The following PRKAR1B variants were observed in gnomAD, a reference collection of about 807,000 sequenced individuals.
The protein encoded by PRKAR1B is cAMP-dependent protein kinase type I-beta regulatory subunit.
In PRKAR1B, 22 loss-of-function variants were observed where a neutral mutation model predicts 46.5. The observed-to-expected ratio is 0.47, with a 90% CI of 0.34 to 0.68. The LOEUF (loss-of-function observed/expected upper bound fraction) is 0.68, where lower values mean the gene tolerates loss of function less well. PRKAR1B is among the 30% of genes least tolerant of loss of function. The pLI, the probability that PRKAR1B is intolerant of heterozygous loss-of-function variation, is 0.01. For missense variants in PRKAR1B, 445 were observed against 535.6 expected, an observed-to-expected ratio of 0.83 and a Z score of 1.67; for synonymous variants, 259 against 217.7, an observed-to-expected ratio of 1.19 and a Z score of -1.67.
intron 4 of PRKAR1B, chr7:607,886 G>GAGA (rs112241057): frequency 0.062 from 11,887 of 191,848 alleles, 1,070 homozygotes; most frequent in African/African-American, 0.22. Context: ...TCAGTCGAAG[G>GAGA]AGCCTGGGAC....
chr7:566,124 G>A (rs1477295484), intron 9 of PRKAR1B, among the ~76,000 whole-genome samples: 1 of 79,150 alleles, frequency 1.3e-5, no homozygotes, highest in Non-Finnish European at 2.9e-5. Flanking sequence ...AAAAGTGTTA[G>A]TCACCACCGC....
chr7:591,263 G>A (rs896775846), intron 7 of PRKAR1B, among the ~76,000 whole-genome samples: 1 of 152,236 alleles, frequency 6.6e-6, no homozygotes, highest in Admixed American at 6.5e-5. Flanking sequence ...CTGGGAGCTG[G>A]CCTCCGAGCT....
At chr7:659,413 T>C (rs1161386663) in intron 4 of PRKAR1B, among the ~76,000 whole-genome samples, 1 of 152,044 alleles carries the variant, frequency 6.6e-6, no homozygotes, top group Non-Finnish European at 1.5e-5. Flanking sequence ...CTGCCACATA[T>C]GATTCAGCCC....
intron 8 of PRKAR1B, among the ~76,000 whole-genome samples, chr7:581,286 G>A (rs1273692726): frequency 1.5e-5 from 2 of 136,014 alleles, no homozygotes; most frequent in Non-Finnish European, 3.0e-5. Context: ...CTGGGCAACA[G>A]AGCAACACTC....
At chr7:708,374 G>C (rs1286383503) in intron 2 of PRKAR1B, among the ~76,000 whole-genome samples, 1 of 152,224 alleles carries the variant, frequency 6.6e-6, no homozygotes, top group Admixed American at 6.5e-5. Context: ...GTATCCATGG[G>C]AGATGGTTCT....
chr7:660,624 T>C (rs528525554), intron 4 of PRKAR1B, among the ~76,000 whole-genome samples: 2 of 88,918 alleles, frequency 2.2e-5, no homozygotes, highest in African/African-American at 4.6e-5. Flanking sequence ...CTCCCCCCCA[T>C]AGCACAAGTC....
chr7:691,615 G>A, intron 2 of PRKAR1B: 1 of 1,303,686 alleles, frequency 7.7e-7, no homozygotes, highest in Non-Finnish European at 1.0e-6. Flanking sequence ...TGGACGCCCT[G>A]CCGTGTGCTG....
intron 4 of PRKAR1B, among the ~76,000 whole-genome samples, chr7:664,114 G>A (rs1249978879): frequency 1.3e-5 from 2 of 152,072 alleles, no homozygotes; most frequent in Non-Finnish European, 2.9e-5. Flanking sequence ...CCCTCCCCAC[G>A]CAACCTTCCC....
intron 7 of PRKAR1B, among the ~76,000 whole-genome samples, chr7:590,820 G>A (rs1416321276): frequency 2.0e-5 from 3 of 152,024 alleles, no homozygotes; most frequent in Non-Finnish European, 2.9e-5. Flanking sequence ...CACCCGCTGC[G>A]GGTGCCTGAA....
intron 9 of PRKAR1B, among the ~76,000 whole-genome samples, chr7:554,962 G>T (rs9801485): frequency 0.088 from 13,368 of 152,258 alleles, 1,129 homozygotes; most frequent in Admixed American, 0.27. Context: ...GGAGGTGCAA[G>T]GTCCTCAATC....
At position 615,380 on chromosome 7, in the gene PRKAR1B, G is replaced by A. The variant is rs143692732; in HGVS notation, c.441-7928C>T. On this transcript the variant is annotated intron_variant, in intron 4 of 10. Transcript: ENST00000537384. ...GCGGAGCTTGCAGTGAGCGGAGATC[G>A]CGCCACTGCACGCCAGCCTGGGAGA... Among the ~76,000 whole-genome samples the A allele has an allele frequency of 5.6e-3, 856 of 151,650 alleles. 6 individuals are homozygous for A. The highest frequency in any genetic ancestry group is 0.025 in the South Asian group (119 of 4,796).
At chr7:622,284 T>C (rs1407044559) in intron 4 of PRKAR1B, among the ~76,000 whole-genome samples, 1 of 152,178 alleles carries the variant, frequency 6.6e-6, no homozygotes, top group Non-Finnish European at 1.5e-5. Flanking sequence ...TGGGCATGCA[T>C]TCAGAAGAGC....
At position 680,497 on chromosome 7, in the gene PRKAR1B, C is replaced by T. The variant is rs1234818957; in HGVS notation, c.348+59G>A. On this transcript the variant is annotated intron_variant, in intron 3 of 10. Coordinates refer to ENST00000537384, the MANE Select transcript of PRKAR1B (RefSeq NM_001164760.2). Reference sequence around the variant, plus strand: ...GCCCCGTGGGCTTCCAGGGAGCTCACAGGTGACAGCCACGTGCCGAGGCCT... The same window carrying T: ...GCCCCGTGGGCTTCCAGGGAGCTCATAGGTGACAGCCACGTGCCGAGGCCT... 6.7e-6 allele frequency: 10 copies of T among 1,500,232 alleles called. No individual in the cohort carries two copies. The East Asian group carries it at 1.2e-4, about 18-fold the overall frequency. 92.9% of individuals were successfully genotyped at this position (1,500,232 alleles called of 1,614,324 possible). A position where few individuals can be genotyped will look rare whatever the true frequency, so the allele number is the denominator to read the frequency against.
chr7:671,536 G>A (rs1018142938), intron 4 of PRKAR1B, among the ~76,000 whole-genome samples: 3 of 152,154 alleles, frequency 2.0e-5, no homozygotes, highest in Admixed American at 1.3e-4. Flanking sequence ...TCGGCTCACT[G>A]TAGCCTTGAA....
At chr7:670,524 G>A (rs1032117467) in intron 4 of PRKAR1B, among the ~76,000 whole-genome samples, 9 of 146,942 alleles carry the variant, frequency 6.1e-5, no homozygotes, top group African/African-American at 2.3e-4. Context: ...GACGGCCTCT[G>A]AGCTCCCCGA....
At chr7:583,197 C>G (rs1357145247) in intron 8 of PRKAR1B, among the ~76,000 whole-genome samples, 4 of 152,096 alleles carry the variant, frequency 2.6e-5, no homozygotes, top group African/African-American at 9.7e-5. Context: ...AAGGTCAAAA[C>G]GGTCGGCGTG....
chr7:680,962 C>A (rs374556730), intron 2 of PRKAR1B, among the ~76,000 whole-genome samples: 2 of 152,134 alleles, frequency 1.3e-5, no homozygotes, highest in Non-Finnish European at 2.9e-5. Context: ...CACCAAATCT[C>A]ATCTTGAATT....
intron 2 of PRKAR1B, among the ~76,000 whole-genome samples, chr7:703,217 T>C (rs1319747763): frequency 6.6e-6 from 1 of 152,172 alleles, no homozygotes; most frequent in Non-Finnish European, 1.5e-5. Context: ...CAATCCCAAA[T>C]GTATATGCAA....
At chr7:720,585 C>T (rs1032797402) in intron 1 of PRKAR1B, among the ~76,000 whole-genome samples, 4 of 152,222 alleles carry the variant, frequency 2.6e-5, no homozygotes, top group Admixed American at 6.5e-5. Context: ...GGGCTGAAGT[C>T]GTCAACTGCA....
Sources: gnomAD v4.1 joint callset for allele counts (sites outside exome capture counted in the v4.1 genomes callset) on GRCh38, gnomAD v4.1.1 for gene constraint, MANE v1.5 for transcripts, NCBI Gene and HGNC (gene_info 2026-07-23, HGNC 2026-07-21) for gene names.